ZNF236: variants seen among roughly 807,000 people sequenced by gnomAD.
ZNF236 encodes the protein zinc finger protein 236, also known as regulated by glucose.
A neutral mutation model predicts 191.2 loss-of-function variants in ZNF236; 50 were observed. The observed-to-expected ratio is 0.26, with a 90% CI of 0.21 to 0.33. The LOEUF is 0.33. Among genes scored for constraint, ZNF236 ranks in the 10% least tolerant of loss-of-function variants. The pLI is 1.00. For synonymous variants in ZNF236, 907 were observed against 928.8 expected (o/e 0.98, Z 0.43); for missense variants, 1,754 against 2,374.5 (o/e 0.74, Z 5.43).
At chr18:76,928,169 A>G (rs1176283167) in intron 25 of ZNF236, 63 bp downstream of exon 25, 17 of 1,340,320 alleles carry the variant, frequency 1.3e-5, no homozygotes, top group Non-Finnish European at 1.7e-5. Flanking sequence ...ATATCTTACT[A>G]TCTCTTTTCC....
chr18:76,899,109 C>A lies in ZNF236; in HGVS notation c.1781C>A (p.Thr594Lys), dbSNP rs371126013. 6.2e-7 allele frequency: 1 copy of A among 1,614,106 alleles called. No individual in the cohort carries two copies. The highest frequency in any genetic ancestry group is 8.5e-7 in the Non-Finnish European group (1 of 1,180,010). Residue 594 changes from threonine (T) to lysine (K), a missense_variant, in exon 11 of 31, where the codon ACG becomes AAG. This residue lies in a region of ZNF236 where 641 missense variants were observed against 869.6 expected (regional missense o/e 0.74). Transcript: ENST00000320610. ...KTHIASHFKH[T>K]ELRKMRHQRK... ...CACATTGCTTCCCACTTTAAACATA[C>A]GGAATTAAGGAAAATGAGGCACCAG...
intron 25 of ZNF236, among the ~76,000 whole-genome samples, chr18:76,933,323 AG>A (rs1599407323): frequency 6.6e-6 from 1 of 152,038 alleles, no homozygotes. Flanking sequence ...ACAACAAATT[AG>A]CTGGGCTTGG....
At chr18:76,915,498 C>CT (rs5826484) in intron 18 of ZNF236, 149 bp from the exon 19 acceptor site, 6,879 of 620,344 alleles carry the variant, frequency 0.011, 9 homozygotes, top group African/African-American at 0.019. Context: ...TTGTAATTTA[C>CT]TTTTTTTTTT....
At chr18:76,855,933 G>A (rs1976028861) in intron 3 of ZNF236, among the ~76,000 whole-genome samples, 1 of 152,196 alleles carries the variant, frequency 6.6e-6, no homozygotes, top group African/African-American at 2.4e-5. Flanking sequence ...GAGTTGTTAG[G>A]TCAAAGGATA....
intron 20 of ZNF236, among the ~76,000 whole-genome samples, chr18:76,921,576 C>G (rs1303043248): frequency 1.3e-5 from 2 of 152,022 alleles, no homozygotes; most frequent in Admixed American, 1.3e-4. Context: ...AAAGTCAGGC[C>G]TGGCAAGGGT....
At chr18:76,889,390 C>T (rs1445960254) in intron 9 of ZNF236, among the ~76,000 whole-genome samples, 2 of 152,200 alleles carry the variant, frequency 1.3e-5, no homozygotes, top group Non-Finnish European at 2.9e-5. Context: ...ACCCGCTTCT[C>T]CCCTAGACCA....
At chr18:76,936,216 T>C (rs144931438) in intron 25 of ZNF236, among the ~76,000 whole-genome samples, 117 of 152,364 alleles carry the variant, frequency 7.7e-4, no homozygotes, top group African/African-American at 2.7e-3. Context: ...GGTCGTCATC[T>C]TGGCATCCTT....
chr18:76,897,269 AAC>A (rs1318935146), intron 10 of ZNF236, among the ~76,000 whole-genome samples: 1 of 151,888 alleles, frequency 6.6e-6, no homozygotes, highest in Admixed American at 6.6e-5. Flanking sequence ...TATAGTACCA[AAC>A]ACAGTACTGC....
chr18:76,912,448 C>A, intron 17 of ZNF236, 101 bp downstream of exon 17: 1 of 698,640 alleles, frequency 1.4e-6, no homozygotes, highest in Non-Finnish European at 2.4e-6. Context: ...TTCATTCTCT[C>A]AAAACTGTTC....
intron 1 of ZNF236, among the ~76,000 whole-genome samples, chr18:76,828,598 G>T (rs1199867628): frequency 6.6e-6 from 1 of 152,168 alleles, no homozygotes; most frequent in East Asian, 1.9e-4. Context: ...ACAATATCAG[G>T]TGTCTATCCA....
At chr18:76,900,568 G>A (rs1209856670) in intron 11 of ZNF236, among the ~76,000 whole-genome samples, 2 of 152,022 alleles carry the variant, frequency 1.3e-5, no homozygotes, top group Non-Finnish European at 2.9e-5. Context: ...ACAGTTCACT[G>A]AAAAACTTAT....
intron 25 of ZNF236, among the ~76,000 whole-genome samples, chr18:76,932,009 G>A (rs1246607168): frequency 6.6e-6 from 1 of 152,218 alleles, no homozygotes. Context: ...AGATTATAGT[G>A]TCTGCTGTGT....
At chr18:76,967,860 G>T (rs1968823252) in intron 30 of ZNF236, among the ~76,000 whole-genome samples, 1 of 152,072 alleles carries the variant, frequency 6.6e-6, no homozygotes, top group African/African-American at 2.4e-5. Flanking sequence ...AAGGAAAAAG[G>T]GGTAATTTTT....
intron 9 of ZNF236, chr18:76,886,335 T>TAAGA (rs1384548315): frequency 6.6e-6 from 1 of 152,666 alleles, no homozygotes; most frequent in African/African-American, 2.4e-5. Flanking sequence ...CCCTGTGATC[T>TAAGA]AAGAAAGCCA....
Position 76,912,324 on chromosome 18 carries a change from G to A in ZNF236, c.2886G>A (p.Glu962=). 6.2e-7 allele frequency: 1 copy of A among 1,614,170 alleles called. No homozygotes were observed. Among genetic ancestry groups the A allele is most frequent in the Non-Finnish European group, 8.5e-7 (1 of 1,180,018 alleles). ...AQGSQFLEDN[E]DQSRRSYRCD... ...GTTCCCAGTTTCTGGAGGACAACGA[G>A]GACCAGAGCAGGCGCTCTTACAGGT... Residue 962 remains glutamate (E), a synonymous_variant, in exon 17 of 31, where the codon GAG becomes GAA. Coordinates refer to ENST00000320610, the MANE Select transcript of ZNF236 (RefSeq NM_001306089.2).
At chr18:76,879,431 A>T (rs1167473345) in intron 7 of ZNF236, among the ~76,000 whole-genome samples, 2 of 152,128 alleles carry the variant, frequency 1.3e-5, no homozygotes, top group Admixed American at 1.3e-4. Flanking sequence ...ACGAATGTGG[A>T]TATATTATTA....
At chr18:76,893,576 T>C (rs962864125) in intron 9 of ZNF236, among the ~76,000 whole-genome samples, 1 of 152,186 alleles carries the variant, frequency 6.6e-6, no homozygotes, top group Non-Finnish European at 1.5e-5. Flanking sequence ...GGCACAGTTA[T>C]AGCACACTGC....
Position 76,948,083 on chromosome 18 carries a change from C to T in ZNF236, c.4914+431C>T, listed in dbSNP as rs144097619. ...ATTTTCATATACGTGTGTGTGCGCG[C>T]GCGTGTGTTCAAGATCTGTCATTTG... On this transcript the variant is annotated intron_variant, in intron 27 of 30. Coordinates refer to ENST00000320610, the MANE Select transcript of ZNF236 (RefSeq NM_001306089.2). Among the ~76,000 whole-genome samples the T allele has an allele frequency of 9.2e-3, 1,395 of 152,000 alleles. 10 individuals carry two copies. The highest frequency in any genetic ancestry group is 0.014 in the South Asian group (65 of 4,810).
At chr18:76,826,757 G>T (rs1239058243) in intron 1 of ZNF236, among the ~76,000 whole-genome samples, 2 of 145,782 alleles carry the variant, frequency 1.4e-5, no homozygotes, top group African/African-American at 5.1e-5. Context: ...CTGAGGTCGC[G>T]CCACTGCACT....
Sources: gnomAD v4.1 joint callset for allele counts (sites outside exome capture counted in the v4.1 genomes callset) on GRCh38, gnomAD v4.1.1 for gene constraint, gnomAD v4.1.1 regional missense constraint, MANE v1.5 for transcripts, NCBI Gene and HGNC (gene_info 2026-07-23, HGNC 2026-07-21) for gene names.